The following TMX3 variants were observed in gnomAD, a reference collection of about 807,000 sequenced individuals.
TMX3 encodes the protein thioredoxin related transmembrane protein 3, also known as protein disulfide-isomerase TMX3.
In TMX3, 40 loss-of-function variants were observed where a neutral mutation model predicts 64.4. That is an observed-to-expected ratio of 0.62 (90% CI 0.48 to 0.81). The LOEUF (loss-of-function observed/expected upper bound fraction) is 0.81. Ranked by LOEUF, TMX3 falls within the 30% of genes least tolerant of loss-of-function variation. The pLI, the probability that TMX3 is intolerant of heterozygous loss-of-function variation, is 0.00. For missense variants in TMX3, 497 were observed against 534.5 expected, an observed-to-expected ratio of 0.93 and a Z score of 0.69; for synonymous variants, 189 against 175.7, an observed-to-expected ratio of 1.08 and a Z score of -0.60.
At chr18:68,686,877 C>T (rs774195567) in intron 10 of TMX3, 9 of 984,974 alleles carry the variant, frequency 9.1e-6, no homozygotes, top group South Asian at 9.4e-5. Context: ...TCCCCCAAAA[C>T]GTTACAAACA....
In TMX3 at chr18:68,700,435, T is replaced by C. The variant is rs1389309092; in HGVS notation, c.362A>G (p.Asp121Gly). 3.2e-6 allele frequency: 5 copies of C among 1,581,990 alleles called. No homozygotes were observed. Among genetic ancestry groups the C allele is most frequent in the South Asian group, 1.2e-5 (1 of 83,404 alleles). ...TACTCTGTGAGCAAACTCAATAATA[T>C]CATCTTTTGTTCGTGGTCCTCTATA... Reference protein sequence around the residue: ...YNYRGPRTKDDIIEFAHRVSG... With the variant: ...YNYRGPRTKDGIIEFAHRVSG... The change falls in exon 6 of 16, where the codon GAT becomes GGT. Residue 121 changes from aspartate to glycine, a missense_variant. Physicochemically the swap from Asp to Gly is moderately conservative, Grantham distance 94. This residue lies in a region of TMX3 where 360 missense variants were observed against 383.5 expected (regional missense o/e 0.94). Coordinates refer to ENST00000299608, the MANE Select transcript of TMX3 (RefSeq NM_019022.5).
Position 68,697,231 on chromosome 18 carries a change from G to T in TMX3, c.565C>A (p.Pro189Thr). The part of the protein sequence containing the change: ...YFFSASEEVV[P>T]EYVTLKEMPA... ...AATCAAATTTTAAATATTACCTCAG[G>T]AACCACTTCTTCTGAGGCAGAAAAG... Residue 189 changes from proline (P) to threonine (T), a missense_variant, in exon 8 of 16, where the codon CCT (proline) becomes ACT (threonine). Pro to Thr is a conservative substitution (Grantham distance 38, BLOSUM62 -1). Transcript: ENST00000299608. The T allele has an allele frequency of 6.5e-7, 1 of 1,546,686 alleles. No homozygotes were observed. Among genetic ancestry groups the T allele is most frequent in the Non-Finnish European group, 8.8e-7 (1 of 1,135,970 alleles).
chr18:68,711,168 C>T (rs1184848476), intron 3 of TMX3, among the ~76,000 whole-genome samples, 196 bp downstream of exon 3: 4 of 152,098 alleles, frequency 2.6e-5, no homozygotes, highest in Admixed American at 2.0e-4. Flanking sequence ...ATCAAAAATA[C>T]GTTCCCTCGC....
chr18:68,684,886 A>G (rs559576469), intron 10 of TMX3, among the ~76,000 whole-genome samples: 88 of 152,330 alleles, frequency 5.8e-4, no homozygotes, highest in South Asian at 1.2e-3. Flanking sequence ...TTTGCTAAGA[A>G]TTACTGTAGC....
chr18:68,711,874 G>A (rs1044775298), intron 2 of TMX3, among the ~76,000 whole-genome samples: 1 of 152,186 alleles, frequency 6.6e-6, no homozygotes, highest in Non-Finnish European at 1.5e-5. Flanking sequence ...ATTGGATTGA[G>A]GAATTCCTGT....
At chr18:68,702,434 T>C (rs2145105347) in intron 4 of TMX3, among the ~76,000 whole-genome samples, 1 of 152,194 alleles carries the variant, frequency 6.6e-6, no homozygotes, top group South Asian at 2.1e-4. Flanking sequence ...TACAATATCA[T>C]CTTCTGCAGG....
At chr18:68,710,398 T>C (rs1036902363) in intron 3 of TMX3, among the ~76,000 whole-genome samples, 2 of 152,170 alleles carry the variant, frequency 1.3e-5, no homozygotes, top group Non-Finnish European at 2.9e-5. Context: ...AAAACAGATA[T>C]ACAATTTACA....
chr18:68,700,309 T>G, intron 6 of TMX3, 96 bp downstream of exon 6: 1 of 802,720 alleles, frequency 1.2e-6, no homozygotes. Context: ...TACCTAGGTA[T>G]GTCCTTAAAA....
At chr18:68,689,740 G>A (rs989800750) in intron 9 of TMX3, 12 of 152,090 alleles carry the variant, frequency 7.9e-5, no homozygotes, top group Admixed American at 3.3e-4. Context: ...TAAGCCCAAC[G>A]TCTAATACAG....
chr18:68,687,453 A>T (rs867846218), intron 10 of TMX3: 34 of 985,210 alleles, frequency 3.5e-5, no homozygotes, highest in South Asian at 9.4e-5. Context: ...CATCAGTTCT[A>T]TTAGTAAACC....
chr18:68,678,028 C>G (rs1412319122), intron 15 of TMX3, among the ~76,000 whole-genome samples: 3 of 151,928 alleles, frequency 2.0e-5, no homozygotes, highest in Non-Finnish European at 2.9e-5. Context: ...GGAAAGTGAT[C>G]AAAATCGATT....
chr18:68,687,468 C>G (rs974843833), intron 10 of TMX3, 199 bp downstream of exon 10: 5 of 985,264 alleles, frequency 5.1e-6, no homozygotes, highest in Non-Finnish European at 6.0e-6. Context: ...TAAACCATCT[C>G]TTTAATCACT....
chr18:68,695,728 G>C (rs1359089142), intron 8 of TMX3, among the ~76,000 whole-genome samples: 2 of 152,170 alleles, frequency 1.3e-5, no homozygotes, highest in African/African-American at 4.8e-5. Flanking sequence ...AAATTTCTTA[G>C]ATTACCGCAA....
chr18:68,681,102 G>A lies in TMX3; in HGVS notation c.914C>T (p.Thr305Ile). 6.4e-7 allele frequency: 1 copy of A among 1,553,292 alleles called. No individual in the cohort carries two copies. Among genetic ancestry groups the A allele is most frequent in the Non-Finnish European group, 8.7e-7 (1 of 1,152,564 alleles). Residue 305 changes from threonine (T) to isoleucine (I), a missense_variant, in exon 14 of 16, where the codon ACA becomes ATA. Thr to Ile is a moderately conservative substitution (Grantham distance 89). Transcript: ENST00000299608. ...YINTLLMDEL[T>I]VPTVVVLNTS... ...ATTCAGTACAACTACAGTTGGGACT[G>A]TCAATTCACTGAAAATATAAAAACA...
chr18:68,700,282 A>C, intron 6 of TMX3, 123 bp downstream of exon 6: 2 of 599,286 alleles, frequency 3.3e-6, no homozygotes, highest in Non-Finnish European at 5.5e-6. Context: ...CTCATAAGTA[A>C]ATAATCAAAT....
rs417180 is a variant in TMX3, at chr18:68,697,757, A to C, written c.492+175T>G. ...TTTACACACTTCTGTTTCATATAGG[A>C]AAACATGACAGAAGGTATAGAAGGA... On this transcript the variant is annotated intron_variant, in intron 7 of 15. Coordinates refer to ENST00000299608, the MANE Select transcript of TMX3 (RefSeq NM_019022.5). 90,597 of 523,114 alleles carry C rather than the reference A, an allele frequency of 0.17. 14,200 individuals are homozygous for C. Among genetic ancestry groups the C allele is most frequent in the African/African-American group, 0.61 (31,868 of 51,874 alleles). The allele number at this position is 523,114 out of a possible 1,614,324, so 32.4% of individuals were successfully genotyped here.
At position 68,676,982 on chromosome 18, in the gene TMX3, A is replaced by T; in HGVS notation, c.1316T>A (p.Val439Glu). ...QQEPSSGGSV[V>E]PTVQEPKDVL... ...ATCCTTGGGCTCCTGCACTGTAGGCACTACAGATCCTCCACTGCTGGGCTC... is the reference window on the plus strand; with the variant it reads ...ATCCTTGGGCTCCTGCACTGTAGGCTCTACAGATCCTCCACTGCTGGGCTC... Residue 439 changes from valine to glutamate, a missense_variant, in exon 16 of 16, where the codon GTG becomes GAG. By Grantham distance (121) the Val-to-Glu change is moderately radical. This residue lies in a region of TMX3 where 94 missense variants were observed against 75.8 expected (regional missense o/e 1.24). Coordinates refer to ENST00000299608, the MANE Select transcript of TMX3 (RefSeq NM_019022.5). 1 of 1,613,732 alleles carries T rather than the reference A, an allele frequency of 6.2e-7. No individual in the cohort carries two copies. The highest frequency in any genetic ancestry group is 8.5e-7 in the Non-Finnish European group (1 of 1,179,776).
intron 4 of TMX3, among the ~76,000 whole-genome samples, chr18:68,703,785 TCG>T (rs1275273350): frequency 1.3e-5 from 2 of 151,718 alleles, no homozygotes; most frequent in Non-Finnish European, 2.9e-5. Context: ...AAAAAATTAG[TCG>T]CGCGCGGTGG....
At chr18:68,686,119 G>A (rs533993496) in intron 10 of TMX3, among the ~76,000 whole-genome samples, 19 of 152,250 alleles carry the variant, frequency 1.2e-4, no homozygotes, top group South Asian at 4.1e-4. Context: ...GACATGAGGT[G>A]TCTGAAGCCG....
Sources: allele counts gnomAD v4.1 joint callset (sites outside exome capture counted in the v4.1 genomes callset), GRCh38; gene constraint gnomAD v4.1.1; regional missense constraint gnomAD v4.1.1; transcripts MANE v1.5; gene names NCBI Gene and HGNC (gene_info 2026-07-23, HGNC 2026-07-21).